Variants in TMEM30A observed in about 807,000 individuals in gnomAD.
TMEM30A encodes cell division cycle 50 P4-ATPase accessory subunit A, also known as cell cycle control protein 50A.
TMEM30A carries 24 observed loss-of-function variants against 38.2 expected under a neutral mutation model. That is an observed-to-expected ratio of 0.63 (90% CI 0.46 to 0.88). The LOEUF is 0.88. TMEM30A is among the 40% of genes least tolerant of loss of function. The pLI, the probability that TMEM30A is intolerant of heterozygous loss-of-function variation, is 0.00. For missense variants in TMEM30A, 370 were observed against 458.6 expected, an observed-to-expected ratio of 0.81 and a Z score of 1.77; for synonymous variants, 145 against 161.6, an observed-to-expected ratio of 0.90 and a Z score of 0.78.
rs149575503 is a variant in TMEM30A at position 75,274,386 on chromosome 6, G to A, written c.238-6638C>T. Among the ~76,000 whole-genome samples the A allele has an allele frequency of 3.7e-4, 57 of 152,272 alleles. 1 individual carries two copies. The highest frequency in any genetic ancestry group is 1.3e-3 in the African/African-American group (54 of 41,564). On this transcript the variant is annotated intron_variant, in intron 1 of 6. Transcript: ENST00000230461. ...GAATGCTAGACAGAAACAGCCATAA[G>A]AGAAATTTTAAATAAAAGAAGGAAA...
At chr6:75,268,381 C>A (rs1440489435) in intron 1 of TMEM30A, among the ~76,000 whole-genome samples, 1 of 152,222 alleles carries the variant, frequency 6.6e-6, no homozygotes, top group Non-Finnish European at 1.5e-5. Context: ...TGTGTGATTG[C>A]GGACCTTTGG....
rs1771825147 is a variant in TMEM30A at position 75,253,904 on chromosome 6, A to G, written c.*2198T>C. ...GTTCCTGAAAATTAATGCATCCTTC[A>G]ATGTCTTCTACTTAAGCTGGGTGCA... On this transcript the variant is annotated 3_prime_UTR_variant, in exon 7 of 7. Transcript: ENST00000230461. 1 of 152,164 alleles carries G rather than the reference A, an allele frequency of 6.6e-6. No homozygotes were observed. Among genetic ancestry groups the G allele is most frequent in the Non-Finnish European group, 1.5e-5 (1 of 67,994 alleles). The allele number at this position is 152,164 out of a possible 1,614,324, so 9.4% of individuals were successfully genotyped here.
intron 1 of TMEM30A, among the ~76,000 whole-genome samples, chr6:75,281,414 C>T (rs1280567457): frequency 6.6e-6 from 1 of 151,954 alleles, no homozygotes; most frequent in Non-Finnish European, 1.5e-5. Context: ...AATATTTTCT[C>T]GTGAATGATA....
intron 5 of TMEM30A, 128 bp from the exon 6 acceptor site, chr6:75,259,114 ATAT>A (rs1771920134): frequency 2.3e-6 from 2 of 875,340 alleles, no homozygotes; most frequent in Non-Finnish European, 3.4e-6. Context: ...CAATTTTAAA[ATAT>A]TATAGCTGAA....
intron 3 of TMEM30A, among the ~76,000 whole-genome samples, chr6:75,264,448 C>T (rs1772028582): frequency 6.6e-6 from 1 of 151,802 alleles, no homozygotes. Flanking sequence ...CCAGTCTGGC[C>T]AGCGTGGCGA....
At chr6:75,265,392 T>C in intron 2 of TMEM30A, 54 bp from the exon 3 acceptor site, 2 of 1,035,510 alleles carry the variant, frequency 1.9e-6, no homozygotes, top group Non-Finnish European at 2.8e-6. Flanking sequence ...CTGTATAAAC[T>C]TATTTCATGT....
chr6:75,284,253 A>G, intron 1 of TMEM30A, 149 bp downstream of exon 1: 1 of 760,286 alleles, frequency 1.3e-6, no homozygotes. Flanking sequence ...AAAGAGAAAG[A>G]AAAAACAGAG....
intron 6 of TMEM30A, chr6:75,256,866 TG>T: frequency 2.3e-6 from 1 of 432,574 alleles, no homozygotes; most frequent in South Asian, 1.7e-5. Context: ...CAGTGAAGGG[TG>T]GGCTGTTAAG....
intron 3 of TMEM30A, among the ~76,000 whole-genome samples, chr6:75,264,566 G>A (rs527572295): frequency 6.6e-6 from 1 of 152,146 alleles, no homozygotes; most frequent in Admixed American, 6.5e-5. Context: ...AACCCAGGAG[G>A]TGGAGGCTGC....
At chr6:75,270,165 C>T (rs1380580349) in intron 1 of TMEM30A, among the ~76,000 whole-genome samples, 1 of 152,184 alleles carries the variant, frequency 6.6e-6, no homozygotes, top group Non-Finnish European at 1.5e-5. Flanking sequence ...TACCATTTTG[C>T]ATTCCATCAT....
chr6:75,275,950 T>C (rs1182672791), intron 1 of TMEM30A, among the ~76,000 whole-genome samples: 1 of 152,124 alleles, frequency 6.6e-6, no homozygotes, highest in Admixed American at 6.6e-5. Context: ...AAGGCATGAA[T>C]AGACCTGTGG....
In TMEM30A at chr6:75,259,486, T is replaced by C. The variant is rs933017583; in HGVS notation, c.546A>G (p.Thr182=). ...GAIANSMFND[T]LELFLIGNDS... ...CATTGCCAATGAGAAACAATTCTAA[T>C]GTATCTAAACACAAGCAAAGAAAGA... The change falls in exon 5 of 7, where the codon ACA becomes ACG. Residue 182 remains threonine, a synonymous_variant. Transcript: ENST00000230461. 1 of 1,604,512 alleles carries C rather than the reference T, an allele frequency of 6.2e-7. No individual in the cohort carries two copies. The highest frequency in any genetic ancestry group is 1.3e-5 in the African/African-American group (1 of 74,430).
At chr6:75,273,274 G>A (rs1176379646) in intron 1 of TMEM30A, among the ~76,000 whole-genome samples, 1 of 152,114 alleles carries the variant, frequency 6.6e-6, no homozygotes, top group African/African-American at 2.4e-5. Flanking sequence ...GTTTTGAGGA[G>A]AACAACATAA....
intron 1 of TMEM30A, among the ~76,000 whole-genome samples, chr6:75,278,616 T>TAAAACAG (rs1462686133): frequency 1.3e-5 from 2 of 152,170 alleles, no homozygotes; most frequent in Non-Finnish European, 2.9e-5. Flanking sequence ...GAAGACTCAG[T>TAAAACAG]AAAACAGAAC....
intron 4 of TMEM30A, among the ~76,000 whole-genome samples, chr6:75,260,166 G>A (rs1771937480): frequency 6.6e-6 from 1 of 152,158 alleles, no homozygotes; most frequent in Admixed American, 6.5e-5. Context: ...AGCAACTTGG[G>A]AGGCCGAAGT....
At chr6:75,273,315 T>C (rs1196266500) in intron 1 of TMEM30A, among the ~76,000 whole-genome samples, 2 of 152,112 alleles carry the variant, frequency 1.3e-5, no homozygotes, top group Non-Finnish European at 2.9e-5. Context: ...AGATAGGAAA[T>C]AGGACTTTCA....
rs547838699 is a variant in TMEM30A at position 75,270,259 on chromosome 6, T to C, written c.238-2511A>G. Among the ~76,000 whole-genome samples the C allele has an allele frequency of 1.2e-4, 18 of 152,360 alleles. No homozygotes were observed. The South Asian group carries it at 2.7e-3, about 23-fold the overall frequency. ...CCATCCTACTAGGTATGTGGTAATA[T>C]GTCATTGTTGTTGTAATTTGTAATT... On this transcript the variant is annotated intron_variant, in intron 1 of 6. Transcript: ENST00000230461.
At chr6:75,258,753 T>C in intron 6 of TMEM30A, 27 bp downstream of exon 6, 1 of 1,605,436 alleles carries the variant, frequency 6.2e-7, no homozygotes, top group Non-Finnish European at 8.5e-7. Flanking sequence ...GCTCTATGAA[T>C]CTGTATACCC....
intron 1 of TMEM30A, among the ~76,000 whole-genome samples, chr6:75,275,116 A>G (rs1772239616): frequency 6.6e-6 from 1 of 151,828 alleles, no homozygotes; most frequent in African/African-American, 2.4e-5. Context: ...CCAGGGTACC[A>G]GTTTCCATGT....
Sources: allele counts gnomAD v4.1 joint callset (sites outside exome capture counted in the v4.1 genomes callset), GRCh38; gene constraint gnomAD v4.1.1; transcripts MANE v1.5; gene names NCBI Gene and HGNC (gene_info 2026-07-23, HGNC 2026-07-21).